The following ZNF705B variants were observed in gnomAD, a reference collection of about 807,000 sequenced individuals.
The protein encoded by ZNF705B is Putative zinc finger protein 705D-like protein LOC100132396.
In ZNF705B, 1 loss-of-function variant was observed where a neutral mutation model predicts 10.5. That is an observed-to-expected ratio of 0.10 (90% confidence interval 0.03 to 0.45). The LOEUF is 0.45. ZNF705B is among the 20% of genes least tolerant of loss of function. ZNF705B has a pLI of 0.97. For synonymous variants in ZNF705B, 4 were observed against 25.4 expected, an observed-to-expected ratio of 0.16 and a Z score of 2.53; for missense variants, 14 against 84.0, an observed-to-expected ratio of 0.17 and a Z score of 3.26.
In ZNF705B at chr8:7,936,941, A is replaced by C. The variant is rs1034670302; in HGVS notation, c.-72+6505A>C. Among the ~76,000 whole-genome samples the C allele has an allele frequency of 5.8e-5, 7 of 120,308 alleles. 1 individual carries two copies. The highest frequency in any genetic ancestry group is 1.8e-4 in the African/African-American group (7 of 39,244). The allele number at this position is 120,308 out of a possible 152,430, so 78.9% of individuals were successfully genotyped here. On this transcript the variant is annotated intron_variant, in intron 2 of 6. Coordinates refer to ENST00000400120, the MANE Select transcript of ZNF705B (RefSeq NM_001193630.1). ...TTATGATGTACCATTGTTCATTTGT[A>C]AGAATTCAAGTAACATTAGGGATTT...
intron 1 of ZNF705B, among the ~76,000 whole-genome samples, chr8:7,927,251 C>T (rs1429397597): frequency 2.5e-5 from 3 of 118,936 alleles, no homozygotes; most frequent in Non-Finnish European, 4.0e-5. Flanking sequence ...TTCCATGGGC[C>T]CTAAAAGGCA....
chr8:7,938,825 GTCTGTGGC>G, intron 2 of ZNF705B: 1 of 767,904 alleles, frequency 1.3e-6, no homozygotes, highest in Non-Finnish European at 2.0e-6. Flanking sequence ...GAAAACTTCC[GTCTGTGGC>G]TCTCTAGCAG....
At chr8:7,927,626 A>G (rs1819733107) in intron 1 of ZNF705B, among the ~76,000 whole-genome samples, 1 of 118,542 alleles carries the variant, frequency 8.4e-6, no homozygotes, top group South Asian at 3.0e-4. Flanking sequence ...TAGGAGGTTG[A>G]CACTATAGCC....
rs567268266 is a variant in ZNF705B, at chr8:7,930,161, T to A, written c.-221-126T>A. 7.2e-4 allele frequency: 85 copies of A among 117,904 alleles called. 2 individuals are homozygous for A. The highest frequency in any genetic ancestry group is 2.1e-3 in the African/African-American group (81 of 38,962). 7.3% of individuals were successfully genotyped at this position (117,904 alleles called of 1,614,324 possible). On this transcript the variant is annotated intron_variant, in intron 1 of 6. Coordinates refer to ENST00000400120, the MANE Select transcript of ZNF705B (RefSeq NM_001193630.1). The stretch of plus-strand genomic sequence containing the variant: ...CTCCACCCTCTAGTAGTTCACAGTG[T>A]CTATAATTCCCATGTTTATGTCCAT...
chr8:7,930,736 C>T (rs1381998449), intron 2 of ZNF705B, among the ~76,000 whole-genome samples: 1 of 113,212 alleles, frequency 8.8e-6, no homozygotes, highest in East Asian at 2.6e-4. Flanking sequence ...AAACCATTTC[C>T]ATGTGAATCA....
chr8:7,938,966 T>TA (rs1224520033), intron 2 of ZNF705B, among the ~76,000 whole-genome samples: 1 of 68,188 alleles, frequency 1.5e-5, no homozygotes, highest in African/African-American at 5.0e-5. Flanking sequence ...CCTTTTTTTT[T>TA]ATTGGACAGC....
At chr8:7,930,676 A>G (rs1260352333) in intron 2 of ZNF705B, among the ~76,000 whole-genome samples, 1 of 107,132 alleles carries the variant, frequency 9.3e-6, no homozygotes, top group Non-Finnish European at 2.2e-5. Flanking sequence ...GATACCAGAC[A>G]TAACTAACAA....
rs1820267775 is a variant in ZNF705B, at chr8:7,949,181, A to G, written c.65A>G (p.Asp22Gly). 27 of 835,358 alleles carry G rather than the reference A, an allele frequency of 3.2e-5. 10 individuals carry two copies. Among genetic ancestry groups the G allele is most frequent in the Non-Finnish European group, 4.4e-5 (27 of 618,272 alleles). The allele number at this position is 835,358 out of a possible 1,614,324, so 51.7% of individuals were successfully genotyped here. A position where few individuals can be genotyped will look rare whatever the true frequency, so the allele number is the denominator to read the frequency against. ...ATTGACTTCACCCAGGAAGAGTGGG[A>G]CATGATGGACACATCCAAAAGAAAG... is the stretch of plus-strand genomic sequence containing the variant. Reference protein sequence around the residue: ...VAIDFTQEEWDMMDTSKRKLY... With the variant: ...VAIDFTQEEWGMMDTSKRKLY... The change falls in exon 4 of 7, where the codon GAC (aspartate) becomes GGC (glycine). Residue 22 changes from aspartate (D) to glycine (G), a missense_variant. Coordinates refer to ENST00000400120, the MANE Select transcript of ZNF705B (RefSeq NM_001193630.1).
chr8:7,928,657 T>C (rs1463833275), intron 1 of ZNF705B, among the ~76,000 whole-genome samples: 4 of 98,126 alleles, frequency 4.1e-5, no homozygotes, highest in African/African-American at 8.4e-5. Flanking sequence ...ATTAAGAAAC[T>C]CTTTGGCCCC....
At chr8:7,929,038 A>G (rs1262840734) in intron 1 of ZNF705B, among the ~76,000 whole-genome samples, 1 of 120,820 alleles carries the variant, frequency 8.3e-6, no homozygotes, top group Non-Finnish European at 2.0e-5. Flanking sequence ...ATTCACCGCT[A>G]TATAATTCAT....
At position 7,931,202 on chromosome 8, in the gene ZNF705B, G is replaced by A. The variant is rs1446455086; in HGVS notation, c.-72+766G>A. On this transcript the variant is annotated intron_variant, in intron 2 of 6. Transcript: ENST00000400120. ...GCTCGGTAGATAGGCATGCCCTCAA[G>A]ACCCTGGGAGGCATGTGTAGCATCA... 2.5e-5 allele frequency among the ~76,000 whole-genome samples: 3 copies of A among 120,962 alleles called. 1 individual carries two copies. Among genetic ancestry groups the A allele is most frequent in the Non-Finnish European group, 6.0e-5 (3 of 50,394 alleles). 79.4% of individuals were successfully genotyped at this position (120,962 alleles called of 152,430 possible). A position where few individuals can be genotyped will look rare whatever the true frequency, so the allele number is the denominator to read the frequency against.
At chr8:7,940,545 T>G (rs1340276986) in intron 2 of ZNF705B, among the ~76,000 whole-genome samples, 1 of 120,378 alleles carries the variant, frequency 8.3e-6, no homozygotes, top group African/African-American at 2.7e-5. Flanking sequence ...CTCCAGAACT[T>G]ACTTACGTGG....
Position 7,931,670 on chromosome 8 carries a change from G to C in ZNF705B, c.-72+1234G>C, listed in dbSNP as rs1228509427. 7.1e-5 allele frequency among the ~76,000 whole-genome samples: 9 copies of C among 126,188 alleles called. 2 individuals carry two copies. The highest frequency in any genetic ancestry group is 6.1e-4 in the Admixed American group (7 of 11,460). The allele number at this position is 126,188 out of a possible 152,430, so 82.8% of individuals were successfully genotyped here. A position where few individuals can be genotyped will look rare whatever the true frequency, so the allele number is the denominator to read the frequency against. ...AGGCAGGTGAGTCCCCAGGTCCCCT[G>C]AGGATGCCTGCAGGTGTGCAGTGGC... On this transcript the variant is annotated intron_variant, in intron 2 of 6. Coordinates refer to ENST00000400120, the MANE Select transcript of ZNF705B (RefSeq NM_001193630.1).
chr8:7,933,929 CTTTTTT>C (rs1162997944), intron 2 of ZNF705B, among the ~76,000 whole-genome samples: 215 of 29,250 alleles, frequency 7.4e-3, no homozygotes, highest in African/African-American at 0.017. Context: ...GTAATATAAA[CTTTTTT>C]TTTTTTTTTT....
chr8:7,948,863 C>G (rs1490017347), intron 3 of ZNF705B, among the ~76,000 whole-genome samples: 1 of 75,852 alleles, frequency 1.3e-5, no homozygotes, highest in African/African-American at 3.1e-5. Context: ...AGGTGATTAA[C>G]ACATTACTGA....
At chr8:7,928,212 C>T (rs1819750677) in intron 1 of ZNF705B, among the ~76,000 whole-genome samples, 1 of 112,488 alleles carries the variant, frequency 8.9e-6, no homozygotes, top group African/African-American at 2.6e-5. Context: ...ACAAGGACTT[C>T]AGCTCCACGA....
intron 2 of ZNF705B, among the ~76,000 whole-genome samples, chr8:7,940,450 T>G (rs1820119158): frequency 8.1e-6 from 1 of 124,168 alleles, no homozygotes; most frequent in Non-Finnish European, 1.8e-5. Context: ...GAAATATTGG[T>G]AAGAATACAA....
rs1819837869 is a variant in ZNF705B, at chr8:7,931,194, G to A, written c.-72+758G>A. Among the ~76,000 whole-genome samples, 4 of 121,164 alleles carry A rather than the reference G, an allele frequency of 3.3e-5. 1 individual carries two copies. The South Asian group carries it at 1.1e-3, about 33-fold the overall frequency. 79.5% of individuals were successfully genotyped at this position (121,164 alleles called of 152,430 possible). A position where few individuals can be genotyped will look rare whatever the true frequency, so the allele number is the denominator to read the frequency against. On this transcript the variant is annotated intron_variant, in intron 2 of 6. Transcript: ENST00000400120. Reference sequence around the variant, plus strand: ...AGTGGTGAGCTCGGTAGATAGGCATGCCCTCAAGACCCTGGGAGGCATGTG... The same window carrying A: ...AGTGGTGAGCTCGGTAGATAGGCATACCCTCAAGACCCTGGGAGGCATGTG...
At chr8:7,937,005 C>A (rs1299573299) in intron 2 of ZNF705B, among the ~76,000 whole-genome samples, 3 of 120,166 alleles carry the variant, frequency 2.5e-5, no homozygotes, top group African/African-American at 7.6e-5. Context: ...TGCTTGTAAA[C>A]CTTGTGTATT....
Sources: allele counts gnomAD v4.1 joint callset (sites outside exome capture counted in the v4.1 genomes callset), GRCh38; gene constraint gnomAD v4.1.1; transcripts MANE v1.5; gene names NCBI Gene and HGNC (gene_info 2026-07-23, HGNC 2026-07-21).